Variants in SELP observed in about 807,000 individuals in gnomAD.
The protein encoded by SELP is selectin P.
SELP carries 92 observed loss-of-function variants against 104.1 expected under a neutral mutation model. That is an observed-to-expected ratio of 0.88 (90% confidence interval 0.75 to 1.05). SELP has a LOEUF of 1.05. Ranked by LOEUF, SELP falls within the 50% of genes least tolerant of loss-of-function variation. The pLI, the probability that SELP is intolerant of heterozygous loss-of-function variation, is 0.00. For synonymous variants in SELP, 397 were observed against 364.5 expected (o/e 1.09, Z -1.01); for missense variants, 1,022 against 1,017.3 (o/e 1.00, Z -0.06).
chr1:169,618,979 C>T (rs1238994673), intron 2 of SELP, 150 bp downstream of exon 2: 5 of 593,348 alleles, frequency 8.4e-6, no homozygotes, highest in East Asian at 2.9e-5. Context: ...AATATGATGG[C>T]GTTGGGTACA....
At chr1:169,591,316 G>T in intron 15 of SELP, 110 bp downstream of exon 15, 2 of 647,564 alleles carry the variant, frequency 3.1e-6, no homozygotes, top group Non-Finnish European at 5.4e-6. Flanking sequence ...CATTGCAAAA[G>T]ACATTGTAAA....
intron 1 of SELP, among the ~76,000 whole-genome samples, chr1:169,624,797 A>G (rs901567751): frequency 3.9e-5 from 6 of 152,168 alleles, no homozygotes; most frequent in Non-Finnish European, 8.8e-5. Flanking sequence ...TGAAGAGAAA[A>G]GCAGAGAGAA....
intron 1 of SELP, among the ~76,000 whole-genome samples, chr1:169,626,658 G>C (rs569340955): frequency 6.6e-6 from 1 of 152,250 alleles, no homozygotes; most frequent in Non-Finnish European, 1.5e-5. Flanking sequence ...TCTGAACAGA[G>C]AAGTATCATG....
chr1:169,594,793 A>G lies in SELP; in HGVS notation c.2186T>C (p.Ile729Thr), dbSNP rs1318700300. 4 of 1,613,874 alleles carry G rather than the reference A, an allele frequency of 2.5e-6. No individual in the cohort carries two copies. The highest frequency in any genetic ancestry group is 3.4e-6 in the Non-Finnish European group (4 of 1,179,826). ...NLWGNFSYGS[I>T]CSFHCLEGQL... ...GCCCTCTAGACAATGGAAAGAGCAG[A>G]TTGATCCATAACTGAAGTTTCCCCA... The change falls in exon 13 of 17, where the codon ATC becomes ACC. Residue 729 changes from isoleucine (I) to threonine (T), a missense_variant. Ile to Thr is a moderately conservative substitution (Grantham distance 89). Coordinates refer to ENST00000263686, the MANE Select transcript of SELP (RefSeq NM_003005.4).
chr1:169,614,435 A>C (rs937183987), intron 3 of SELP, among the ~76,000 whole-genome samples: 1 of 152,228 alleles, frequency 6.6e-6, no homozygotes, highest in African/African-American at 2.4e-5. Context: ...GAGAAGGGCC[A>C]TGGTTTCTTT....
At chr1:169,620,319 C>T (rs962955553) in intron 1 of SELP, among the ~76,000 whole-genome samples, 1 of 151,552 alleles carries the variant, frequency 6.6e-6, no homozygotes, top group South Asian at 2.1e-4. Context: ...CTAAATAACA[C>T]GTTCAGAATG....
intron 1 of SELP, among the ~76,000 whole-genome samples, chr1:169,621,428 TTGTGTG>T (rs57079522): frequency 0.04 from 5,210 of 130,718 alleles, 123 homozygotes; most frequent in South Asian, 0.12. Context: ...CAGTGTGAGG[TTGTGTG>T]TGTGTGTGTG....
intron 9 of SELP, among the ~76,000 whole-genome samples, chr1:169,605,112 G>A (rs1171326906): frequency 6.6e-6 from 1 of 152,214 alleles, no homozygotes; most frequent in Admixed American, 6.5e-5. Flanking sequence ...ACAGTATGGA[G>A]CAATGAACTG....
Position 169,595,829 on chromosome 1 carries a change from T to C in SELP, c.2101+96A>G, listed in dbSNP as rs539486096. ...AGGGAGATGACACTTGGAGTAGTGG[T>C]TGTGGTTGGGTGAGACTTCAACATA... is the stretch of plus-strand genomic sequence containing the variant. On this transcript the variant is annotated intron_variant, in intron 12 of 16. Transcript: ENST00000263686. 8 of 1,000,128 alleles carry C rather than the reference T, an allele frequency of 8.0e-6. No individual in the cohort carries two copies. In the East Asian group the frequency reaches 1.9e-4, roughly 24 times the overall value. 62.0% of individuals were successfully genotyped at this position (1,000,128 alleles called of 1,614,324 possible). A position where few individuals can be genotyped will look rare whatever the true frequency, so the allele number is the denominator to read the frequency against.
At chr1:169,611,179 G>A (rs565535133) in intron 7 of SELP, among the ~76,000 whole-genome samples, 45 of 152,190 alleles carry the variant, frequency 3.0e-4, no homozygotes, top group African/African-American at 9.2e-4. Context: ...CACCTTAGCC[G>A]CTGCTCCCAA....
At chr1:169,597,417 G>T (rs1371722849) in intron 10 of SELP, among the ~76,000 whole-genome samples, 1 of 152,172 alleles carries the variant, frequency 6.6e-6, no homozygotes, top group African/African-American at 2.4e-5. Context: ...AGAAGTCAAA[G>T]ATTTAGGCAG....
Position 169,619,308 on chromosome 1 carries a change from G to A in SELP, c.4-89C>T. ...TCTAGTTAACAATCATTATGTTGAAGTATAATTGTGCCAATTTCCACTGGA... is the reference window on the plus strand; with the variant it reads ...TCTAGTTAACAATCATTATGTTGAAATATAATTGTGCCAATTTCCACTGGA... On this transcript the variant is annotated intron_variant, in intron 1 of 16. Coordinates refer to ENST00000263686, the MANE Select transcript of SELP (RefSeq NM_003005.4). 1.3e-5 allele frequency: 12 copies of A among 959,508 alleles called. No homozygotes were observed. The South Asian group carries it at 1.6e-4, about 13-fold the overall frequency. The allele number at this position is 959,508 out of a possible 1,614,324, so 59.4% of individuals were successfully genotyped here.
chr1:169,603,305 C>CTGTG lies in SELP; in HGVS notation c.1520-95_1520-94insCACA, dbSNP rs1484274963. 764 of 647,706 alleles carry CTGTG rather than the reference C, an allele frequency of 1.2e-3. 1 individual carries two copies. Among genetic ancestry groups the CTGTG allele is most frequent in the African/African-American group, 9.4e-3 (311 of 32,922 alleles). 40.1% of individuals were successfully genotyped at this position (647,706 alleles called of 1,614,324 possible). ...TCTCTCTCTCTTTCTCCCTCTCTCTCTCTGTGTGTGTGTGTGTGTGTGTGT... is the reference window on the plus strand; with the variant it reads ...TCTCTCTCTCTTTCTCCCTCTCTCTCTGTGTCTGTGTGTGTGTGTGTGTGTGTGT... On this transcript the variant is annotated intron_variant, in intron 9 of 16. Transcript: ENST00000263686.
intron 10 of SELP, among the ~76,000 whole-genome samples, chr1:169,599,879 C>T (rs1019513269): frequency 6.6e-6 from 1 of 152,102 alleles, no homozygotes; most frequent in African/African-American, 2.4e-5. Flanking sequence ...AACCAGGACC[C>T]CTCCCCACGC....
At chr1:169,630,051 T>C (rs752245883) in intron 1 of SELP, 21 bp downstream of exon 1, 4 of 1,614,138 alleles carry the variant, frequency 2.5e-6, no homozygotes, top group South Asian at 2.2e-5. Flanking sequence ...CCACTTCCCA[T>C]GCAGAAAAAA....
chr1:169,601,070 G>A (rs1244340084), intron 10 of SELP, among the ~76,000 whole-genome samples: 3 of 152,332 alleles, frequency 2.0e-5, no homozygotes, highest in Non-Finnish European at 4.4e-5. Context: ...GATTTAAAAT[G>A]TGAATGAGAT....
rs1185171391 is a variant in SELP, at chr1:169,609,645, C to A, written c.1192G>T (p.Asp398Tyr). 6.2e-7 allele frequency: 1 copy of A among 1,613,944 alleles called. No homozygotes were observed. The highest frequency in any genetic ancestry group is 8.5e-7 in the Non-Finnish European group (1 of 1,179,936). Residue 398 changes from aspartate (D) to tyrosine (Y), a missense_variant, in exon 8 of 17, where the codon GAT (aspartate) becomes TAT (tyrosine). Physicochemically the swap from Asp to Tyr is radical, Grantham distance 160. Transcript: ENST00000263686. ...AACGCTCTCAAGGATGGAGAGCAAT[C>A]CATGCTTCCGTGGACAGGACTCTCC... Reference protein sequence around the residue: ...PLESPVHGSMDCSPSLRAFQY... With the variant: ...PLESPVHGSMYCSPSLRAFQY...
In SELP at chr1:169,609,645, C is replaced by T. The variant is rs1185171391; in HGVS notation, c.1192G>A (p.Asp398Asn). ...AACGCTCTCAAGGATGGAGAGCAAT[C>T]CATGCTTCCGTGGACAGGACTCTCC... is the stretch of plus-strand genomic sequence containing the variant. ...PLESPVHGSM[D>N]CSPSLRAFQY... The change falls in exon 8 of 17, where the codon GAT becomes AAT. Residue 398 changes from aspartate (D) to asparagine (N), a missense_variant. Asp to Asn is a conservative substitution (Grantham distance 23). Coordinates refer to ENST00000263686, the MANE Select transcript of SELP (RefSeq NM_003005.4). The T allele has an allele frequency of 6.2e-7, 1 of 1,613,944 alleles. No individual in the cohort carries two copies. Among genetic ancestry groups the T allele is most frequent in the East Asian group, 2.2e-5 (1 of 44,864 alleles).
rs771081847 is a variant in SELP at position 169,593,621 on chromosome 1, C to T, written c.2391G>A (p.Lys797=). ...MGGTLLALLR[K]RFRQKDDGKC... ...CCTATTTACCTTTTTGTCTGAAACGCTTTCTTAGCAAAGCCAGGAGCGTCC... is the reference window on the plus strand; with the variant it reads ...CCTATTTACCTTTTTGTCTGAAACGTTTTCTTAGCAAAGCCAGGAGCGTCC... The change falls in exon 14 of 17, where the codon AAG becomes AAA. Residue 797 remains lysine, a synonymous_variant. Coordinates refer to ENST00000263686, the MANE Select transcript of SELP (RefSeq NM_003005.4). 1.2e-6 allele frequency: 2 copies of T among 1,613,116 alleles called. No individual in the cohort carries two copies. The highest frequency in any genetic ancestry group is 4.5e-5 in the East Asian group (2 of 44,866).
Sources: allele counts gnomAD v4.1 joint callset (sites outside exome capture counted in the v4.1 genomes callset), GRCh38; gene constraint gnomAD v4.1.1; transcripts MANE v1.5; gene names NCBI Gene and HGNC (gene_info 2026-07-23, HGNC 2026-07-21).